RPS6KA2: variants seen among roughly 807,000 people sequenced by gnomAD.
The protein encoded by RPS6KA2 is ribosomal protein S6 kinase A2, also known as ribosomal protein S6 kinase alpha-2.
A neutral mutation model predicts 91.8 loss-of-function variants in RPS6KA2; 42 were observed. That is an observed-to-expected ratio of 0.46 (90% CI 0.36 to 0.59). The LOEUF (loss-of-function observed/expected upper bound fraction) is 0.59. Among genes scored for constraint, RPS6KA2 ranks in the 20% least tolerant of loss-of-function variants. RPS6KA2 has a pLI of 0.00. For synonymous variants in RPS6KA2, 414 were observed against 393.6 expected (o/e 1.05, Z -0.61); for missense variants, 798 against 978.5 (o/e 0.82, Z 2.46).
At chr6:166,664,043 AAACATT>A (rs1163243802) in intron 2 of RPS6KA2, among the ~76,000 whole-genome samples, 1 of 152,254 alleles carries the variant, frequency 6.6e-6, no homozygotes, top group Non-Finnish European at 1.5e-5. Flanking sequence ...AGTGCTTTAT[AAACATT>A]AAGTGTCATA....
intron 1 of RPS6KA2, among the ~76,000 whole-genome samples, chr6:166,598,249 T>C (rs954900571): frequency 1.3e-5 from 2 of 152,226 alleles, no homozygotes; most frequent in African/African-American, 2.4e-5. Flanking sequence ...CCTTTGATGC[T>C]TTCCCTCCCT....
intron 10 of RPS6KA2, among the ~76,000 whole-genome samples, chr6:166,479,569 C>T (rs1189745906): frequency 2.6e-5 from 4 of 152,212 alleles, no homozygotes; most frequent in East Asian, 1.9e-4. Context: ...TCCTGCTAAC[C>T]GCCAGGGGGT....
chr6:166,783,820 ACATAT>A, intron 2 of RPS6KA2, among the ~76,000 whole-genome samples: 1 of 86,230 alleles, frequency 1.2e-5, no homozygotes, highest in Admixed American at 1.2e-4. Flanking sequence ...ACCTGTAACC[ACATAT>A]GCACACGTGC....
intron 2 of RPS6KA2, among the ~76,000 whole-genome samples, chr6:166,810,932 T>C (rs980546702): frequency 6.6e-6 from 1 of 152,164 alleles, no homozygotes; most frequent in Non-Finnish European, 1.5e-5. Context: ...GACAACTTCA[T>C]ACAACTCCAG....
chr6:166,447,533 C>T (rs1272148691), intron 14 of RPS6KA2, among the ~76,000 whole-genome samples: 2 of 152,124 alleles, frequency 1.3e-5, no homozygotes, highest in African/African-American at 4.8e-5. Context: ...TTTCCCAGTG[C>T]AAGAAACACG....
At chr6:166,744,645 G>A (rs774520052) in intron 2 of RPS6KA2, among the ~76,000 whole-genome samples, 5 of 152,154 alleles carry the variant, frequency 3.3e-5, no homozygotes, top group Non-Finnish European at 7.4e-5. Context: ...GGGTCCTCCC[G>A]CGCTGCCCCT....
intron 2 of RPS6KA2, among the ~76,000 whole-genome samples, chr6:166,777,212 C>T (rs1778645205): frequency 6.6e-6 from 1 of 152,216 alleles, no homozygotes; most frequent in African/African-American, 2.4e-5. Flanking sequence ...TCGAACTTGT[C>T]CTGGGCTCAG....
At chr6:166,545,639 G>A (rs898909094) in intron 1 of RPS6KA2, among the ~76,000 whole-genome samples, 1 of 152,020 alleles carries the variant, frequency 6.6e-6, no homozygotes, top group East Asian at 1.9e-4. Flanking sequence ...TAGTGACTGA[G>A]GAGAGAGGAA....
At position 166,617,576 on chromosome 6, in the gene RPS6KA2, C is replaced by T. The variant is rs369482958; in HGVS notation, c.99+9345G>A. Among the ~76,000 whole-genome samples, 122 of 152,290 alleles carry T rather than the reference C, an allele frequency of 8.0e-4. 1 individual carries two copies. The highest frequency in any genetic ancestry group is 6.8e-3 in the Middle Eastern group (2 of 294). The stretch of plus-strand genomic sequence containing the variant: ...CTTCTGAGTAATTTGACTTACGCGA[C>T]GGTTTTAATGACCTCCTCCTCCATT... On this transcript the variant is annotated intron_variant, in intron 1 of 20. Coordinates refer to ENST00000265678, the MANE Select transcript of RPS6KA2 (RefSeq NM_021135.6).
intron 1 of RPS6KA2, among the ~76,000 whole-genome samples, chr6:166,578,801 C>T (rs118138181): frequency 0.01 from 1,568 of 152,268 alleles, 14 homozygotes; most frequent in Non-Finnish European, 0.015. Context: ...TTCCACCATG[C>T]GCCTCGTGCA....
intron 2 of RPS6KA2, among the ~76,000 whole-genome samples, chr6:166,682,490 G>A (rs990585822): frequency 2.0e-5 from 3 of 152,188 alleles, no homozygotes; most frequent in African/African-American, 7.2e-5. Context: ...AGACAGCCCT[G>A]GGGAAAGGCA....
At chr6:166,685,983 C>T (rs1052422547) in intron 2 of RPS6KA2, among the ~76,000 whole-genome samples, 12 of 152,298 alleles carry the variant, frequency 7.9e-5, no homozygotes, top group East Asian at 3.9e-4. Flanking sequence ...GGGGCTGAGA[C>T]GAAGGAGCTG....
intron 2 of RPS6KA2, among the ~76,000 whole-genome samples, chr6:166,673,341 C>CT (rs1436070056): frequency 6.6e-6 from 1 of 152,148 alleles, no homozygotes; most frequent in Non-Finnish European, 1.5e-5. Context: ...TCTTGTCCCC[C>CT]CAGAGCTGTC....
chr6:166,853,260 G>GT (rs1388308421), intron 2 of RPS6KA2, among the ~76,000 whole-genome samples: 1 of 152,186 alleles, frequency 6.6e-6, no homozygotes, highest in African/African-American at 2.4e-5. Flanking sequence ...GCAATATAGT[G>GT]AGACCCTGTG....
chr6:166,473,367 T>G (rs890788568), intron 10 of RPS6KA2, among the ~76,000 whole-genome samples: 1 of 152,172 alleles, frequency 6.6e-6, no homozygotes. Flanking sequence ...ATATTTTGTA[T>G]TTTTTGTAGA....
intron 1 of RPS6KA2, among the ~76,000 whole-genome samples, chr6:166,553,264 A>G (rs1784072818): frequency 6.6e-6 from 1 of 152,136 alleles, no homozygotes; most frequent in Admixed American, 6.5e-5. Flanking sequence ...GGCAACAGGT[A>G]AGTGACACCA....
chr6:166,659,388 G>C (rs185488201), intron 2 of RPS6KA2, among the ~76,000 whole-genome samples: 85 of 152,300 alleles, frequency 5.6e-4, no homozygotes, highest in African/African-American at 2.0e-3. Context: ...GGGGTGGCCG[G>C]GGAGGGGAGA....
intron 2 of RPS6KA2, among the ~76,000 whole-genome samples, chr6:166,797,010 T>A (rs947402124): frequency 1.3e-5 from 2 of 152,260 alleles, no homozygotes; most frequent in Admixed American, 6.5e-5. Context: ...TCCAGGGCAT[T>A]TGAGAGCAGT....
intron 1 of RPS6KA2, among the ~76,000 whole-genome samples, chr6:166,606,472 G>A (rs1785960011): frequency 1.3e-5 from 2 of 152,102 alleles, no homozygotes; most frequent in Admixed American, 1.3e-4. Context: ...CAAAGCGACT[G>A]CAAATTATGG....
Sources: allele counts gnomAD v4.1 joint callset (sites outside exome capture counted in the v4.1 genomes callset), GRCh38; gene constraint gnomAD v4.1.1; transcripts MANE v1.5; gene names NCBI Gene and HGNC (gene_info 2026-07-23, HGNC 2026-07-21).